Variants in GLG1 observed in about 807,000 individuals in gnomAD.
The protein encoded by GLG1 is Golgi apparatus protein 1.
GLG1 carries 38 observed loss-of-function variants against 160.5 expected under a neutral mutation model. The ratio of observed to expected loss-of-function variants is 0.24; its 90% CI spans 0.18 to 0.31. The LOEUF (loss-of-function observed/expected upper bound fraction) is 0.31. Among genes scored for constraint, GLG1 ranks in the 10% least tolerant of loss-of-function variants. GLG1 has a pLI of 1.00. For synonymous variants in GLG1, 644 were observed against 543.4 expected (o/e 1.19, Z -2.57); for missense variants, 1,373 against 1,505.2 (o/e 0.91, Z 1.45).
intron 4 of GLG1, among the ~76,000 whole-genome samples, chr16:74,497,469 G>A (rs1202992333): frequency 4.1e-5 from 5 of 122,438 alleles, no homozygotes; most frequent in Admixed American, 1.1e-4. Flanking sequence ...ACGGAGTCTC[G>A]CTCTTTCGCC....
intron 1 of GLG1, among the ~76,000 whole-genome samples, chr16:74,560,106 A>G (rs964550428): frequency 6.6e-5 from 10 of 152,174 alleles, no homozygotes; most frequent in African/African-American, 2.4e-4. Flanking sequence ...CGTTTCGCCA[A>G]ACATTGTTCT....
intron 3 of GLG1, among the ~76,000 whole-genome samples, chr16:74,504,573 C>T (rs548250112): frequency 3.5e-4 from 54 of 152,316 alleles, no homozygotes; most frequent in Non-Finnish European, 5.9e-4. Flanking sequence ...TAAGCGTGAG[C>T]CACCTCACCT....
intron 13 of GLG1, 58 bp from the exon 14 acceptor site, chr16:74,472,469 G>T: frequency 7.2e-7 from 1 of 1,393,940 alleles, no homozygotes; most frequent in South Asian, 1.2e-5. Context: ...GGTGGAGGAG[G>T]AGCAGTTTCT....
chr16:74,479,177 T>G (rs1359292169), intron 11 of GLG1, among the ~76,000 whole-genome samples: 2 of 125,076 alleles, frequency 1.6e-5, no homozygotes, highest in Non-Finnish European at 3.2e-5. Flanking sequence ...TGAGCCAAGA[T>G]CACACCACTG....
At chr16:74,496,786 G>A (rs931189706) in intron 4 of GLG1, 142 bp from the exon 5 acceptor site, 9 of 618,510 alleles carry the variant, frequency 1.5e-5, no homozygotes, top group South Asian at 2.0e-5. Context: ...ACTTATTAAC[G>A]TTCTACCAAG....
At chr16:74,532,212 A>G (rs1464864893) in intron 1 of GLG1, 59 bp from the exon 2 acceptor site, 4 of 623,676 alleles carry the variant, frequency 6.4e-6, no homozygotes, top group Non-Finnish European at 9.8e-6. Context: ...ATATATATAT[A>G]GAGAACCTTT....
intron 2 of GLG1, 22 bp from the exon 3 acceptor site, chr16:74,508,947 A>G: frequency 1.1e-6 from 1 of 924,234 alleles, no homozygotes; most frequent in Non-Finnish European, 1.7e-6. Flanking sequence ...AGGAAAAAAA[A>G]AAACAAAGAA....
chr16:74,459,305 C>T (rs1252599806), intron 23 of GLG1, among the ~76,000 whole-genome samples: 18 of 152,092 alleles, frequency 1.2e-4, no homozygotes, highest in Non-Finnish European at 2.9e-5. Flanking sequence ...AGTGAACCCC[C>T]GTCTCTACTA....
intron 2 of GLG1, among the ~76,000 whole-genome samples, chr16:74,523,464 C>T (rs1024440319): frequency 3.3e-5 from 5 of 152,056 alleles, no homozygotes; most frequent in African/African-American, 1.2e-4. Context: ...TTTAAAATCA[C>T]GTGGCAATTT....
intron 10 of GLG1, among the ~76,000 whole-genome samples, chr16:74,481,213 G>A (rs1461027519): frequency 1.3e-5 from 2 of 152,190 alleles, no homozygotes; most frequent in Non-Finnish European, 2.9e-5. Context: ...TTCTTCCTGT[G>A]CCAGGTAAGG....
chr16:74,594,360 T>C (rs920517422), intron 1 of GLG1, among the ~76,000 whole-genome samples: 10 of 152,196 alleles, frequency 6.6e-5, no homozygotes, highest in African/African-American at 2.4e-4. Flanking sequence ...AATAGGAAAA[T>C]GTACAGGTCC....
intron 3 of GLG1, among the ~76,000 whole-genome samples, chr16:74,507,463 A>G (rs888349017): frequency 1.3e-5 from 2 of 152,128 alleles, no homozygotes; most frequent in Non-Finnish European, 2.9e-5. Context: ...ATGGCCGGGC[A>G]CGGTGACTCA....
intron 12 of GLG1, among the ~76,000 whole-genome samples, chr16:74,475,931 T>C (rs995446694): frequency 8.5e-5 from 13 of 152,084 alleles, no homozygotes; most frequent in African/African-American, 3.1e-4. Context: ...CCTGTAATCC[T>C]AGCACTTTGG....
chr16:74,472,829 A>C (rs981901971), intron 13 of GLG1: 9 of 331,110 alleles, frequency 2.7e-5, no homozygotes, highest in African/African-American at 2.0e-4. Flanking sequence ...ATGCCAAACC[A>C]CTGTTACTGG....
chr16:74,521,488 A>G (rs1313035364), intron 2 of GLG1, among the ~76,000 whole-genome samples: 2 of 152,122 alleles, frequency 1.3e-5, no homozygotes, highest in Non-Finnish European at 1.5e-5. Flanking sequence ...CAGCCAGAAG[A>G]TTACTAATGG....
Position 74,513,985 on chromosome 16 carries a change from G to C in GLG1, c.472-5060C>G, listed in dbSNP as rs149094098. Among the ~76,000 whole-genome samples the C allele has an allele frequency of 2.0e-5, 3 of 152,122 alleles. No homozygotes were observed. The South Asian group carries it at 6.2e-4, about 32-fold the overall frequency. On this transcript the variant is annotated intron_variant, in intron 2 of 25. Coordinates refer to ENST00000422840, the MANE Select transcript of GLG1 (RefSeq NM_001145667.2). ...CTGAAAACCACAGTACGAGAACTTC[G>C]TGAAGCATACGTAAGCTTCAATAGT... is the stretch of plus-strand genomic sequence containing the variant.
At chr16:74,606,520 G>T (rs1338647563) in intron 1 of GLG1, 137 bp downstream of exon 1, 6 of 663,960 alleles carry the variant, frequency 9.0e-6, no homozygotes, top group Admixed American at 6.0e-5. Flanking sequence ...TGGGAGTGAG[G>T]AGCAAAGAGG....
In GLG1 at chr16:74,555,698, A is replaced by G. The variant is rs2018332491; in HGVS notation, c.439-23545T>C. ...AGAGAGATCCCTGTCTCTAAAGAAA[A>G]GAAGAAAAAGGAAAGAAAGAAAAGA... On this transcript the variant is annotated intron_variant, in intron 1 of 25. Transcript: ENST00000422840. Among the ~76,000 whole-genome samples the G allele has an allele frequency of 2.0e-5, 3 of 152,262 alleles. No individual in the cohort carries two copies. The South Asian group carries it at 6.2e-4, about 32-fold the overall frequency.
chr16:74,507,469 A>T (rs2016654201), intron 3 of GLG1, among the ~76,000 whole-genome samples: 1 of 152,038 alleles, frequency 6.6e-6, no homozygotes, highest in Non-Finnish European at 1.5e-5. Context: ...GGGCACGGTG[A>T]CTCATGCCTG....
Sources: allele counts gnomAD v4.1 joint callset (sites outside exome capture counted in the v4.1 genomes callset), GRCh38; gene constraint gnomAD v4.1.1; transcripts MANE v1.5; gene names NCBI Gene and HGNC (gene_info 2026-07-23, HGNC 2026-07-21).